CFAP91: variants seen among roughly 807,000 people sequenced by gnomAD.
CFAP91 encodes the protein cilia- and flagella-associated protein 91.
CFAP91 carries 85 observed loss-of-function variants against 95.9 expected under a neutral mutation model. The observed-to-expected ratio is 0.89, with a 90% CI of 0.74 to 1.06. CFAP91 has a LOEUF of 1.06. Among genes scored for constraint, CFAP91 ranks in the 50% least tolerant of loss-of-function variants. The pLI, the probability that CFAP91 is intolerant of heterozygous loss-of-function variation, is 0.00. For missense variants in CFAP91, 962 were observed against 943.4 expected, an observed-to-expected ratio of 1.02 and a Z score of -0.26; for synonymous variants, 335 against 327.5, an observed-to-expected ratio of 1.02 and a Z score of -0.25.
In CFAP91 at chr3:119,745,397, T is replaced by C. The variant is rs140538056; in HGVS notation, c.1902+1201T>C. On this transcript the variant is annotated intron_variant, in intron 14 of 17. Coordinates refer to ENST00000273390, the MANE Select transcript of CFAP91 (RefSeq NM_033364.4). ...CTCATCTTTAAATACATATAAATTTTGCAGGCACATACATGAGGACATATT... is the reference window on the plus strand; with the variant it reads ...CTCATCTTTAAATACATATAAATTTCGCAGGCACATACATGAGGACATATT... Among the ~76,000 whole-genome samples the C allele has an allele frequency of 7.5e-4, 114 of 152,340 alleles. 2 individuals carry two copies. Among genetic ancestry groups the C allele is most frequent in the Middle Eastern group, 6.8e-3 (2 of 294 alleles).
At chr3:119,764,594 G>A (rs2054596655) in intron 17 of CFAP91, among the ~76,000 whole-genome samples, 1 of 151,904 alleles carries the variant, frequency 6.6e-6, no homozygotes, top group Non-Finnish European at 1.5e-5. Flanking sequence ...TTAAAAGTTA[G>A]AAATACATAT....
chr3:119,750,903 T>C, intron 16 of CFAP91, 34 bp from the exon 17 acceptor site: 7 of 1,612,836 alleles, frequency 4.3e-6, no homozygotes, highest in Non-Finnish European at 5.9e-6. Context: ...GTTCAGACTT[T>C]CAGAATGAAA....
chr3:119,764,466 T>C (rs1163999046), intron 17 of CFAP91, among the ~76,000 whole-genome samples: 1 of 152,148 alleles, frequency 6.6e-6, no homozygotes, highest in Non-Finnish European at 1.5e-5. Flanking sequence ...CTTTATGTAA[T>C]TGAAAGATGG....
At chr3:119,729,708 C>A (rs1185620103) in intron 7 of CFAP91, among the ~76,000 whole-genome samples, 1 of 151,958 alleles carries the variant, frequency 6.6e-6, no homozygotes, top group Non-Finnish European at 1.5e-5. Flanking sequence ...GTCATCTGTG[C>A]ATTGTTGGAT....
At chr3:119,722,686 G>A (rs2053710193) in intron 6 of CFAP91, among the ~76,000 whole-genome samples, 1 of 151,644 alleles carries the variant, frequency 6.6e-6, no homozygotes, top group African/African-American at 2.4e-5. Flanking sequence ...GTGGAGATGG[G>A]GTTTCATTAT....
rs544133436 is a variant in CFAP91, at chr3:119,761,589, C to A, written c.*2-3463C>A. On this transcript the variant is annotated intron_variant, in intron 17 of 17. Transcript: ENST00000273390. ...CCTGATTAACGTGGATGCAAAAATTCTCAAAAAAAGTAACAAACTAAATTC... is the reference window on the plus strand; with the variant it reads ...CCTGATTAACGTGGATGCAAAAATTATCAAAAAAAGTAACAAACTAAATTC... Among the ~76,000 whole-genome samples, 5 of 151,782 alleles carry A rather than the reference C, an allele frequency of 3.3e-5. No homozygotes were observed. In the East Asian group the frequency reaches 9.6e-4, roughly 29 times the overall value.
chr3:119,717,902 C>A (rs2053608738), intron 6 of CFAP91, among the ~76,000 whole-genome samples: 1 of 152,162 alleles, frequency 6.6e-6, no homozygotes, highest in Admixed American at 6.5e-5. Flanking sequence ...AGGCTCGGGG[C>A]CATTTGTAGA....
At chr3:119,716,445 T>C (rs1457000069) in intron 6 of CFAP91, among the ~76,000 whole-genome samples, 1 of 152,236 alleles carries the variant, frequency 6.6e-6, no homozygotes, top group African/African-American at 2.4e-5. Flanking sequence ...TAATGATTTT[T>C]AAATGAGATT....
Position 119,740,563 on chromosome 3 carries a change from A to G in CFAP91, c.1548A>G (p.Lys516=), listed in dbSNP as rs746640291. The G allele has an allele frequency of 1.2e-6, 2 of 1,612,894 alleles. No homozygotes were observed. Among genetic ancestry groups the G allele is most frequent in the African/African-American group, 1.3e-5 (1 of 74,850 alleles). Residue 516 remains lysine (K), a synonymous_variant, in exon 13 of 18, where the codon AAA becomes AAG. Coordinates refer to ENST00000273390, the MANE Select transcript of CFAP91 (RefSeq NM_033364.4). ...RVVQNMMFEG[K]EKRLELIQEL... ...ATTTGATACAGATGTTTGAAGGGAA[A>G]GAAAAGCGACTGGAGTTGATCCAGG... is the stretch of plus-strand genomic sequence containing the variant.
intron 17 of CFAP91, among the ~76,000 whole-genome samples, chr3:119,753,720 T>G (rs1194388264): frequency 1.3e-5 from 2 of 152,110 alleles, no homozygotes; most frequent in East Asian, 3.8e-4. Context: ...CATGAGTAAG[T>G]TCTTTAGTGG....
intron 14 of CFAP91, among the ~76,000 whole-genome samples, chr3:119,744,854 CT>C (rs1426387221): frequency 6.6e-6 from 1 of 152,172 alleles, no homozygotes; most frequent in African/African-American, 2.4e-5. Flanking sequence ...TCTCAACACA[CT>C]TTTCTTCAAA....
intron 17 of CFAP91, among the ~76,000 whole-genome samples, chr3:119,757,638 C>T (rs556611834): frequency 6.6e-6 from 1 of 152,192 alleles, no homozygotes; most frequent in African/African-American, 2.4e-5. Context: ...CAGAGCAAGA[C>T]CTTGTCTCAA....
chr3:119,766,727 A>G lies in CFAP91; in HGVS notation c.*1677A>G, dbSNP rs542905378. On this transcript the variant is annotated 3_prime_UTR_variant, in exon 18 of 18. Coordinates refer to ENST00000273390, the MANE Select transcript of CFAP91 (RefSeq NM_033364.4). ...GGGTAAGAGCAGCACTCGATGACAC[A>G]GAAATGAATGCACATGACTGTGTTC... 4.6e-5 allele frequency: 7 copies of G among 152,242 alleles called. No homozygotes were observed. The highest frequency in any genetic ancestry group is 1.9e-4 in the East Asian group (1 of 5,196). 9.4% of individuals were successfully genotyped at this position (152,242 alleles called of 1,614,324 possible). A position where few individuals can be genotyped will look rare whatever the true frequency, so the allele number is the denominator to read the frequency against.
intron 6 of CFAP91, among the ~76,000 whole-genome samples, chr3:119,718,174 G>C (rs143563697): frequency 6.6e-6 from 1 of 152,294 alleles, no homozygotes; most frequent in African/African-American, 2.4e-5. Context: ...TGAGTAAACA[G>C]AAAATGGAGC....
chr3:119,736,938 G>A (rs76226027), intron 10 of CFAP91, among the ~76,000 whole-genome samples: 2,972 of 152,170 alleles, frequency 0.02, 143 homozygotes, highest in East Asian at 0.18. Context: ...CCAGGTTCAG[G>A]TGATTCTCCT....
chr3:119,765,378 T>G lies in CFAP91; in HGVS notation c.*328T>G, dbSNP rs1366762608. 6.6e-6 allele frequency: 1 copy of G among 152,194 alleles called. No homozygotes were observed. The highest frequency in any genetic ancestry group is 2.4e-5 in the African/African-American group (1 of 41,444). 9.4% of individuals were successfully genotyped at this position (152,194 alleles called of 1,614,324 possible). On this transcript the variant is annotated 3_prime_UTR_variant, in exon 18 of 18. Coordinates refer to ENST00000273390, the MANE Select transcript of CFAP91 (RefSeq NM_033364.4). ...AAATGTTGTGGAATATTTTTCCAAG[T>G]AGTTTTGGTTCACTATTCACAGGAC... is the stretch of plus-strand genomic sequence containing the variant.
At chr3:119,704,185 T>C (rs35228066) in intron 1 of CFAP91, among the ~76,000 whole-genome samples, 23,931 of 152,234 alleles carry the variant, frequency 0.16, 2,051 homozygotes, top group Admixed American at 0.2. Flanking sequence ...ATGTTTTTTT[T>C]TCACGGGTAA....
intron 14 of CFAP91, 116 bp from the exon 15 acceptor site, chr3:119,746,999 T>G: frequency 1.3e-6 from 1 of 760,428 alleles, no homozygotes; most frequent in Non-Finnish European, 2.0e-6. Context: ...GAAGGGACTG[T>G]TGACTTATTA....
At chr3:119,726,115 TG>T (rs1298677680) in intron 6 of CFAP91, 55 bp from the exon 7 acceptor site, 5 of 1,462,462 alleles carry the variant, frequency 3.4e-6, no homozygotes, top group Non-Finnish European at 4.6e-6. Flanking sequence ...AATTATATAC[TG>T]GGGGGTGCAT....
Sources: allele counts gnomAD v4.1 joint callset (sites outside exome capture counted in the v4.1 genomes callset), GRCh38; gene constraint gnomAD v4.1.1; transcripts MANE v1.5; gene names NCBI Gene and HGNC (gene_info 2026-07-23, HGNC 2026-07-21).